The following HDAC4 variants were observed in gnomAD, a reference collection of about 807,000 sequenced individuals.
The protein encoded by HDAC4 is histone deacetylase 4, also known as histone deacetylase A.
HDAC4 carries 16 observed loss-of-function variants against 135.1 expected under a neutral mutation model. The ratio of observed to expected loss-of-function variants is 0.12; its 90% CI spans 0.08 to 0.18. HDAC4 has a LOEUF of 0.18. Ranked by LOEUF, HDAC4 falls within the 10% of genes least tolerant of loss-of-function variation. The pLI, the probability that HDAC4 is intolerant of heterozygous loss-of-function variation, is 1.00. For synonymous variants in HDAC4, 685 were observed against 653.4 expected (o/e 1.05, Z -0.74); for missense variants, 1,143 against 1,511.8 (o/e 0.76, Z 4.05).
intron 12 of HDAC4, among the ~76,000 whole-genome samples, chr2:239,117,990 A>G (rs1289130073): frequency 2.6e-5 from 4 of 152,192 alleles, no homozygotes; most frequent in Non-Finnish European, 5.9e-5. Flanking sequence ...CGGCCTCTCC[A>G]GCAGCCTGAA....
chr2:239,200,062 C>CT (rs2045660806), intron 3 of HDAC4, among the ~76,000 whole-genome samples: 1 of 152,238 alleles, frequency 6.6e-6, no homozygotes, highest in East Asian at 1.9e-4. Flanking sequence ...TTCTTGACCC[C>CT]TGTGTGGGTC....
At chr2:239,061,051 G>A (rs138439168) in intron 24 of HDAC4, among the ~76,000 whole-genome samples, 139 of 152,394 alleles carry the variant, frequency 9.1e-4, no homozygotes, top group Non-Finnish European at 1.5e-3. Flanking sequence ...GAGCAAGCGG[G>A]ACACACGACG....
chr2:239,095,938 T>C lies in HDAC4; in HGVS notation c.2234-882A>G, dbSNP rs541078896. Reference sequence around the variant, plus strand: ...GGAGCTGGAGTGACATCTCACATGCTCCAGGGAGACTGGCTTGATGTAACA... The same window carrying C: ...GGAGCTGGAGTGACATCTCACATGCCCCAGGGAGACTGGCTTGATGTAACA... On this transcript the variant is annotated intron_variant, in intron 16 of 26. Transcript: ENST00000543185. Among the ~76,000 whole-genome samples the C allele has an allele frequency of 1.4e-3, 208 of 152,224 alleles. 2 individuals carry two copies. The highest frequency in any genetic ancestry group is 4.8e-3 in the African/African-American group (200 of 41,540).
At chr2:239,297,154 G>GT (rs749698103) in intron 2 of HDAC4, among the ~76,000 whole-genome samples, 8 of 151,900 alleles carry the variant, frequency 5.3e-5, no homozygotes, top group Non-Finnish European at 8.8e-5. Flanking sequence ...GCTGCTCTTT[G>GT]TAAGCTCTGA....
At chr2:239,190,327 G>A (rs1047827102) in intron 3 of HDAC4, among the ~76,000 whole-genome samples, 5 of 152,168 alleles carry the variant, frequency 3.3e-5, no homozygotes, top group East Asian at 1.9e-4. Context: ...AGGCCAGGAC[G>A]CACTCCACAA....
intron 24 of HDAC4, among the ~76,000 whole-genome samples, chr2:239,056,571 G>C (rs116184771): frequency 0.012 from 1,814 of 152,310 alleles, 8 homozygotes; most frequent in African/African-American, 0.019. Flanking sequence ...AGTTCACCGG[G>C]ATATGAATAA....
chr2:239,351,332 A>G (rs910752532), intron 2 of HDAC4, among the ~76,000 whole-genome samples: 1 of 152,228 alleles, frequency 6.6e-6, no homozygotes, highest in Non-Finnish European at 1.5e-5. Context: ...TACTGATACC[A>G]AAAGATGCTT....
Position 239,087,606 on chromosome 2 carries a change from A to G in HDAC4, c.2397T>C (p.Phe799=). The G allele has an allele frequency of 6.2e-7, 1 of 1,613,930 alleles. No individual in the cohort carries two copies. Among genetic ancestry groups the G allele is most frequent in the Non-Finnish European group, 8.5e-7 (1 of 1,179,980 alleles). The change falls in exon 19 of 27, where the codon TTT becomes TTC. Residue 799 remains phenylalanine, a synonymous_variant. Coordinates refer to ENST00000543185, the MANE Select transcript of HDAC4 (RefSeq NM_001378414.1). ...KVATGELKNG[F]AVVRPPGHHA... Reference sequence around the variant, plus strand: ...GGTGTCCAGGGGGGCGGACCACAGCAAAGCCATTCTGCAGGTGACACCAGA... The same window carrying G: ...GGTGTCCAGGGGGGCGGACCACAGCGAAGCCATTCTGCAGGTGACACCAGA...
At chr2:239,221,382 A>C (rs1443722428) in intron 3 of HDAC4, among the ~76,000 whole-genome samples, 2 of 152,128 alleles carry the variant, frequency 1.3e-5, no homozygotes, top group Non-Finnish European at 1.5e-5. Context: ...CCAACCAACA[A>C]AGCTAAGAGC....
chr2:239,275,452 G>A (rs975531566), intron 2 of HDAC4, among the ~76,000 whole-genome samples: 1 of 152,228 alleles, frequency 6.6e-6, no homozygotes, highest in Non-Finnish European at 1.5e-5. Context: ...GCTGTTGGTC[G>A]GGACGCTATC....
chr2:239,079,378 C>T (rs559753961), intron 22 of HDAC4, among the ~76,000 whole-genome samples: 8 of 152,314 alleles, frequency 5.3e-5, no homozygotes, highest in Admixed American at 1.3e-4. Flanking sequence ...CGGCACAGCC[C>T]GGGCTCACTG....
intron 1 of HDAC4, among the ~76,000 whole-genome samples, chr2:239,382,853 T>C (rs556740965): frequency 6.6e-6 from 1 of 152,168 alleles, no homozygotes; most frequent in African/African-American, 2.4e-5. Flanking sequence ...GCCTCCTGAG[T>C]AGCTGGAGTT....
At chr2:239,086,321 C>T (rs1367554414) in intron 19 of HDAC4, among the ~76,000 whole-genome samples, 6 of 137,586 alleles carry the variant, frequency 4.4e-5, no homozygotes, top group African/African-American at 7.9e-5. Context: ...TGCTCTAACA[C>T]GCGGATCTGA....
intron 2 of HDAC4, among the ~76,000 whole-genome samples, chr2:239,311,985 C>T (rs1485034297): frequency 1.3e-5 from 2 of 152,150 alleles, no homozygotes; most frequent in Admixed American, 1.3e-4. Context: ...GGGCCCTAGA[C>T]TAACATGAGG....
chr2:239,108,738 A>G (rs938713725), intron 14 of HDAC4, among the ~76,000 whole-genome samples: 1 of 152,226 alleles, frequency 6.6e-6, no homozygotes, highest in Non-Finnish European at 1.5e-5. Context: ...GGACTGGAAC[A>G]CATATGCTAG....
chr2:239,210,912 G>A (rs544742769), intron 3 of HDAC4, among the ~76,000 whole-genome samples: 5 of 152,216 alleles, frequency 3.3e-5, no homozygotes, highest in South Asian at 2.1e-4. Flanking sequence ...TTCCTTCGCC[G>A]GCCAACTCTT....
rs905720923 is a variant in HDAC4 at position 239,115,927 on chromosome 2, ACCT to A, written c.1534-620_1534-618del. Among the ~76,000 whole-genome samples, 5 of 151,482 alleles carry A rather than the reference ACCT, an allele frequency of 3.3e-5. No homozygotes were observed. Among genetic ancestry groups the A allele is most frequent in the African/African-American group, 1.2e-4 (5 of 41,166 alleles). On this transcript the variant is annotated intron_variant, in intron 12 of 26. Coordinates refer to ENST00000543185, the MANE Select transcript of HDAC4 (RefSeq NM_001378414.1). The surrounding 1 kb of genome is among the most constrained non-coding windows in gnomAD (Gnocchi z 6.3). ...TCTGCAGGATCTCAGGGACACCATG[ACCT>A]CCTTTCTTGCAGGATTCCATGGGTG...
At chr2:239,270,022 C>T (rs1165748049) in intron 2 of HDAC4, among the ~76,000 whole-genome samples, 1 of 152,162 alleles carries the variant, frequency 6.6e-6, no homozygotes, top group Admixed American at 6.5e-5. Flanking sequence ...ACACAACAGG[C>T]AACTCTGAGA....
chr2:239,195,053 C>T (rs575232812), intron 3 of HDAC4, among the ~76,000 whole-genome samples: 2 of 152,330 alleles, frequency 1.3e-5, no homozygotes, highest in South Asian at 4.1e-4. Context: ...GGAGCCTGGA[C>T]TCACTGGCAC....
Sources: gnomAD v4.1 joint callset for allele counts (sites outside exome capture counted in the v4.1 genomes callset) on GRCh38, gnomAD v4.1.1 for gene constraint, Gnocchi (gnomAD v3.1) non-coding constraint, MANE v1.5 for transcripts, NCBI Gene and HGNC (gene_info 2026-07-23, HGNC 2026-07-21) for gene names.